Variants in MBNL2 observed in about 807,000 individuals in gnomAD.
MBNL2 encodes the protein muscleblind-like protein 2.
In MBNL2, 17 loss-of-function variants were observed where a neutral mutation model predicts 41.9. The observed-to-expected ratio is 0.41, with a 90% CI of 0.28 to 0.61. MBNL2 has a LOEUF of 0.61. MBNL2 is among the 20% of genes least tolerant of loss of function. The probability of loss-of-function intolerance (pLI) is 0.35; values close to 1 mark genes in which losing one functional copy is unlikely to be tolerated. For missense variants in MBNL2, 336 were observed against 505.6 expected (o/e 0.66, Z 3.22); for synonymous variants, 195 against 182.9 (o/e 1.07, Z -0.53).
intron 5 of MBNL2, among the ~76,000 whole-genome samples, chr13:97,350,360 GTGACTGGTGAAAGTTGTGA>G (rs371839493): frequency 1.6e-4 from 25 of 152,302 alleles, no homozygotes; most frequent in Non-Finnish European, 3.2e-4. Context: ...GATTAGGGTG[GTGACTGGTGAAAGTTGTGA>G]TGGCTGTGGT....
chr13:97,321,551 C>T (rs1024829324), intron 2 of MBNL2, among the ~76,000 whole-genome samples: 3 of 152,272 alleles, frequency 2.0e-5, no homozygotes, highest in Admixed American at 6.5e-5. Flanking sequence ...CCACAGCAGG[C>T]GATGGAGAAG....
At chr13:97,228,505 A>C (rs76920930) in intron 1 of MBNL2, among the ~76,000 whole-genome samples, 4,924 of 150,788 alleles carry the variant, frequency 0.033, 133 homozygotes, top group South Asian at 0.12. Context: ...ATGTATATAT[A>C]ATTTCAGTTT....
chr13:97,201,062 T>C, the MBNL2 span, among the ~76,000 whole-genome samples: 756 of 152,210 alleles, frequency 5.0e-3, 4 homozygotes, highest in Non-Finnish European at 6.8e-3. Context: ...ATCAAGCTAA[T>C]GGACCAAAAA....
chr13:97,215,991 A>G, the MBNL2 span, among the ~76,000 whole-genome samples: 1 of 152,202 alleles, frequency 6.6e-6, no homozygotes, highest in African/African-American at 2.4e-5. Flanking sequence ...GGAGTCTCAC[A>G]CATGATTTCA....
At chr13:97,353,448 GTTAGAAGATA>G (rs1477970381) in intron 5 of MBNL2, among the ~76,000 whole-genome samples, 1 of 152,188 alleles carries the variant, frequency 6.6e-6, no homozygotes, top group East Asian at 1.9e-4. Flanking sequence ...GATGAATAGA[GTTAGAAGATA>G]TTAATATTCC....
At chr13:97,310,924 GA>G (rs1251671423) in intron 2 of MBNL2, among the ~76,000 whole-genome samples, 2 of 151,612 alleles carry the variant, frequency 1.3e-5, no homozygotes, top group Non-Finnish European at 2.9e-5. Flanking sequence ...AAGGTAAAAA[GA>G]AAAACATGTG....
the MBNL2 span, among the ~76,000 whole-genome samples, chr13:97,154,301 G>A: frequency 3.3e-5 from 5 of 152,046 alleles, no homozygotes; most frequent in East Asian, 3.9e-4. Flanking sequence ...TTTTTTACCC[G>A]TTGGTTTTTT....
At chr13:97,163,210 CCTTT>C in the MBNL2 span, among the ~76,000 whole-genome samples, 1 of 152,194 alleles carries the variant, frequency 6.6e-6, no homozygotes, top group Admixed American at 6.5e-5. Flanking sequence ...CTCCACTCTT[CCTTT>C]CTTTTTTTTC....
chr13:97,190,716 T>C, the MBNL2 span, among the ~76,000 whole-genome samples: 2 of 152,218 alleles, frequency 1.3e-5, no homozygotes, highest in South Asian at 4.1e-4. Flanking sequence ...CACTGAGTTA[T>C]AAAGGGCTAA....
Position 97,243,864 on chromosome 13 carries a change from A to G in MBNL2, c.-605+21333A>G, listed in dbSNP as rs563088116. On this transcript the variant is annotated intron_variant, in intron 1 of 8. Transcript: ENST00000679496. ...GTAACTGAGAATTTTATCCTCCGGCATGGATCTTATTTTGTTATCATTCAT... is the reference window on the plus strand; with the variant it reads ...GTAACTGAGAATTTTATCCTCCGGCGTGGATCTTATTTTGTTATCATTCAT... Among the ~76,000 whole-genome samples the G allele has an allele frequency of 5.9e-5, 9 of 152,286 alleles. No homozygotes were observed. The South Asian group carries it at 1.9e-3, about 32-fold the overall frequency.
At chr13:97,243,297 C>T (rs1376684716) in intron 1 of MBNL2, among the ~76,000 whole-genome samples, 1 of 152,192 alleles carries the variant, frequency 6.6e-6, no homozygotes, top group Admixed American at 6.5e-5. Flanking sequence ...TTTATTTAGT[C>T]AGTCAACAAA....
chr13:97,360,806 G>C (rs1283550058), intron 7 of MBNL2, among the ~76,000 whole-genome samples: 2 of 152,214 alleles, frequency 1.3e-5, no homozygotes, highest in Non-Finnish European at 2.9e-5. Flanking sequence ...TGCTTCAGCT[G>C]ATCAGAACAA....
intron 1 of MBNL2, among the ~76,000 whole-genome samples, chr13:97,239,178 TA>T (rs2152805701): frequency 6.6e-6 from 1 of 152,382 alleles, no homozygotes; most frequent in South Asian, 2.1e-4. Context: ...TACTACTGTT[TA>T]TTATTTTCTT....
chr13:97,286,454 C>T (rs9513225), intron 2 of MBNL2, among the ~76,000 whole-genome samples: 61,650 of 151,936 alleles, frequency 0.41, 14,170 homozygotes, highest in East Asian at 0.57. Context: ...AAACCACCAT[C>T]GTGTCTCACA....
chr13:97,220,626 G>A (rs927277763), upstream of MBNL2, among the ~76,000 whole-genome samples: 1 of 152,172 alleles, frequency 6.6e-6, no homozygotes, highest in East Asian at 1.9e-4. Context: ...TAAAAAACCC[G>A]TCTGGCAACA....
the MBNL2 span, among the ~76,000 whole-genome samples, chr13:97,167,427 A>G: frequency 6.6e-6 from 1 of 152,116 alleles, no homozygotes; most frequent in Non-Finnish European, 1.5e-5. Flanking sequence ...CTAATAAATG[A>G]AAACCAGAAA....
chr13:97,262,187 C>T (rs571085843), intron 1 of MBNL2, among the ~76,000 whole-genome samples: 9 of 152,262 alleles, frequency 5.9e-5, no homozygotes, highest in South Asian at 2.1e-4. Context: ...CCTGCCTTGC[C>T]GCCACACTGT....
intron 1 of MBNL2, among the ~76,000 whole-genome samples, chr13:97,245,839 A>G (rs1316593054): frequency 2.0e-5 from 3 of 152,184 alleles, no homozygotes; most frequent in Admixed American, 1.3e-4. Flanking sequence ...ACAAATCTGA[A>G]ATTCAGAGCC....
the MBNL2 span, among the ~76,000 whole-genome samples, chr13:97,212,893 G>T: frequency 1.3e-5 from 2 of 152,262 alleles, no homozygotes; most frequent in South Asian, 4.1e-4. Flanking sequence ...TTTAGACAGG[G>T]TTAAGCTTTG....
Sources: gnomAD v4.1 joint callset for allele counts (sites outside exome capture counted in the v4.1 genomes callset) on GRCh38, gnomAD v4.1.1 for gene constraint, MANE v1.5 for transcripts, NCBI Gene and HGNC (gene_info 2026-07-23, HGNC 2026-07-21) for gene names.